The following AKNAD1 variants were observed in gnomAD, a reference collection of about 807,000 sequenced individuals.
AKNAD1 encodes protein AKNAD1.
Under a neutral mutation model 90.8 loss-of-function variants are expected in AKNAD1, and 67 were observed. That is an observed-to-expected ratio of 0.74 (90% CI 0.61 to 0.90). AKNAD1 has a LOEUF of 0.90. AKNAD1 is among the 40% of genes least tolerant of loss of function. The pLI, the probability that AKNAD1 is intolerant of heterozygous loss-of-function variation, is 0.00. For synonymous variants in AKNAD1, 327 were observed against 341.4 expected, an observed-to-expected ratio of 0.96 and a Z score of 0.46; for missense variants, 957 against 975.4, an observed-to-expected ratio of 0.98 and a Z score of 0.25.
At chr1:108,845,034 G>T (rs539283377) in intron 5 of AKNAD1, among the ~76,000 whole-genome samples, 3 of 152,064 alleles carry the variant, frequency 2.0e-5, no homozygotes, top group Non-Finnish European at 4.4e-5. Context: ...GGCCAGGCTG[G>T]TCTCAAACTC....
At chr1:108,848,313 T>C (rs1333178730) in intron 5 of AKNAD1, among the ~76,000 whole-genome samples, 1 of 152,198 alleles carries the variant, frequency 6.6e-6, no homozygotes, top group African/African-American at 2.4e-5. Context: ...AGCAAGGATA[T>C]GAAAGGAAAA....
In AKNAD1 at chr1:108,856,295, G is replaced by A. The variant is rs17621621; in HGVS notation, c.-104+634C>T. Among the ~76,000 whole-genome samples, 4 of 151,924 alleles carry A rather than the reference G, an allele frequency of 2.6e-5. No individual in the cohort carries two copies. The South Asian group carries it at 6.2e-4, about 24-fold the overall frequency. On this transcript the variant is annotated intron_variant, in intron 1 of 15. Coordinates refer to ENST00000370001, the MANE Select transcript of AKNAD1 (RefSeq NM_152763.5). ...CATTTTCAGGAGCTCATTGCCAAAC[G>A]CCATACCCTTCTTGTATAGAAAGGA...
intron 7 of AKNAD1, 89 bp downstream of exon 7, chr1:108,837,461 G>A: frequency 8.0e-7 from 1 of 1,244,624 alleles, no homozygotes; most frequent in Non-Finnish European, 1.1e-6. Context: ...ATTAAAAATG[G>A]AATTCAGTGA....
At chr1:108,831,212 A>G (rs1286852297) in intron 9 of AKNAD1, among the ~76,000 whole-genome samples, 1 of 152,180 alleles carries the variant, frequency 6.6e-6, no homozygotes, top group African/African-American at 2.4e-5. Flanking sequence ...TACTCCACTG[A>G]CCTGTGAGGG....
intron 6 of AKNAD1, among the ~76,000 whole-genome samples, chr1:108,841,819 G>A (rs537639741): frequency 2.6e-5 from 4 of 152,218 alleles, no homozygotes; most frequent in East Asian, 1.9e-4. Context: ...GACTTCAGCC[G>A]AGATTTGGGA....
At chr1:108,849,401 C>T (rs190870139) in intron 3 of AKNAD1, 136 bp downstream of exon 3, 3 of 624,886 alleles carry the variant, frequency 4.8e-6, no homozygotes, top group African/African-American at 1.9e-5. Context: ...ATCATTTGAG[C>T]CCCAGAGGTC....
At chr1:108,819,426 T>C (rs1400725679) in intron 14 of AKNAD1, among the ~76,000 whole-genome samples, 1 of 147,862 alleles carries the variant, frequency 6.8e-6, no homozygotes, top group East Asian at 2.0e-4. Flanking sequence ...AAGATCAGCC[T>C]GGGCAACATA....
Position 108,826,736 on chromosome 1 carries a change from C to CTTTTTTT in AKNAD1, c.1936+468_1936+469insAAAAAAA, listed in dbSNP as rs1450499628. On this transcript the variant is annotated intron_variant, in intron 11 of 15. Transcript: ENST00000370001. The stretch of plus-strand genomic sequence containing the variant: ...AGTGATTCTTTTTTTCTTTTCTTTT[C>CTTTTTTT]TTTTTCTTTTTTTTTTTTTTTGAAA... 9.6e-5 allele frequency among the ~76,000 whole-genome samples: 11 copies of CTTTTTTT among 114,798 alleles called. 1 individual carries two copies. Among genetic ancestry groups the CTTTTTTT allele is most frequent in the Non-Finnish European group, 1.6e-4 (9 of 56,394 alleles). The allele number at this position is 114,798 out of a possible 152,430, so 75.3% of individuals were successfully genotyped here.
rs1357914960 is a variant in AKNAD1, at chr1:108,843,231, C to T, written c.1282G>A (p.Glu428Lys). 4 of 1,614,144 alleles carry T rather than the reference C, an allele frequency of 2.5e-6. No individual in the cohort carries two copies. Among genetic ancestry groups the T allele is most frequent in the Admixed American group, 1.7e-5 (1 of 60,012 alleles). ...EKLQGHLELL[E>K]QNFLATKDKH... ...TCCTTGGTGGCCAGAAAGTTCTGCT[C>T]CAGCAGTTCAAGGTGTCCCTGCAGT... Residue 428 changes from glutamate (E) to lysine (K), a missense_variant, in exon 6 of 16, where the codon GAG becomes AAG. Coordinates refer to ENST00000370001, the MANE Select transcript of AKNAD1 (RefSeq NM_152763.5).
chr1:108,830,766 A>G lies in AKNAD1; in HGVS notation c.1747-116T>C. On this transcript the variant is annotated intron_variant, in intron 9 of 15. Transcript: ENST00000370001. ...CGGCTGAACTTGCCACCTCAGGCAGAGAGACTCGCCAAACCTCTCCTCCAG... is the reference window on the plus strand; with the variant it reads ...CGGCTGAACTTGCCACCTCAGGCAGGGAGACTCGCCAAACCTCTCCTCCAG... 3 of 927,568 alleles carry G rather than the reference A, an allele frequency of 3.2e-6. No homozygotes were observed. In the South Asian group the frequency reaches 4.2e-5, roughly 13 times the overall value. The allele number at this position is 927,568 out of a possible 1,614,324, so 57.5% of individuals were successfully genotyped here. A position where few individuals can be genotyped will look rare whatever the true frequency, so the allele number is the denominator to read the frequency against.
Position 108,816,269 on chromosome 1 carries a change from T to G in AKNAD1, c.2413A>C (p.Thr805Pro). 3 of 1,613,718 alleles carry G rather than the reference T, an allele frequency of 1.9e-6. No homozygotes were observed. The South Asian group carries it at 3.3e-5, about 18-fold the overall frequency. Residue 805 changes from threonine (T) to proline (P), a missense_variant, in exon 16 of 16, where the codon ACA becomes CCA. Transcript: ENST00000370001. Reference protein sequence around the residue: ...LNSALDHALRTATILKETTDQ... With the variant: ...LNSALDHALRPATILKETTDQ... Reference sequence around the variant, plus strand: ...GTAGTTTCTTTCAAAATGGTTGCTGTCCTTAGGGCATGATCCAAAGCCGAG... The same window carrying G: ...GTAGTTTCTTTCAAAATGGTTGCTGGCCTTAGGGCATGATCCAAAGCCGAG...
At chr1:108,817,209 C>A in intron 14 of AKNAD1, 32 bp from the exon 15 acceptor site, 2 of 1,612,270 alleles carry the variant, frequency 1.2e-6, no homozygotes, top group South Asian at 2.2e-5. Flanking sequence ...ATACTTGTGT[C>A]AAGCGCCACC....
rs1663886030 is a variant in AKNAD1 at position 108,823,427 on chromosome 1, T to G, written c.2110A>C (p.Lys704Gln). ...TPGQNYSNHSKRGAFVQPHSL... is the reference protein window; with the variant it reads ...TPGQNYSNHSQRGAFVQPHSL... The stretch of plus-strand genomic sequence containing the variant: ...TGGGGCTGGACAAAGGCACCTCTTT[T>G]GCTATGATTTGAGTAATTCTGTCCT... The change falls in exon 13 of 16, where the codon AAA becomes CAA. Residue 704 changes from lysine to glutamine, a missense_variant. Lys to Gln is a moderately conservative substitution (Grantham distance 53, BLOSUM62 1). Coordinates refer to ENST00000370001, the MANE Select transcript of AKNAD1 (RefSeq NM_152763.5). 1.2e-6 allele frequency: 2 copies of G among 1,614,230 alleles called. No homozygotes were observed. The highest frequency in any genetic ancestry group is 1.7e-6 in the Non-Finnish European group (2 of 1,180,028).
chr1:108,823,696 A>G lies in AKNAD1; in HGVS notation c.1937-8T>C. ...TGTGTCCTGTATCAGAATCTGAAAA[A>G]GCCCAAGTTGCATGAATGAAGGGTA... On this transcript the variant is annotated splice_region_variant and splice_polypyrimidine_tract_variant and intron_variant, in intron 11 of 15. Coordinates refer to ENST00000370001, the MANE Select transcript of AKNAD1 (RefSeq NM_152763.5). The G allele has an allele frequency of 6.8e-6, 11 of 1,614,092 alleles. No homozygotes were observed. Among genetic ancestry groups the G allele is most frequent in the Non-Finnish European group, 9.3e-6 (11 of 1,179,974 alleles).
At chr1:108,831,465 G>A (rs12059541) in intron 9 of AKNAD1, among the ~76,000 whole-genome samples, 23,067 of 152,140 alleles carry the variant, frequency 0.15, 2,041 homozygotes, top group African/African-American at 0.25. Flanking sequence ...GCCACCAACA[G>A]TGTGGACGGC....
Position 108,823,362 on chromosome 1 carries a change from G to T in AKNAD1, c.2167+8C>A, listed in dbSNP as rs75963324. The T allele has an allele frequency of 2.4e-3, 3,874 of 1,591,484 alleles. 49 individuals carry two copies. The highest frequency in any genetic ancestry group is 0.023 in the East Asian group (1,047 of 44,762). On this transcript the variant is annotated splice_region_variant and intron_variant, in intron 13 of 15. Coordinates refer to ENST00000370001, the MANE Select transcript of AKNAD1 (RefSeq NM_152763.5). ...ATATGGATGGGGTCATGCAGGAGAT[G>T]TACTTACAGGGTGAAGAGTTTTTAC...
intron 6 of AKNAD1, among the ~76,000 whole-genome samples, chr1:108,839,471 T>TAAAAAAAAAAAGGAAAAAAAAA (rs1664473415): frequency 1.6e-5 from 2 of 126,148 alleles, no homozygotes; most frequent in Non-Finnish European, 3.2e-5. Flanking sequence ...TCCGTCTCAA[T>TAAAAAAAAAAAGGAAAAAAAAA]AAAAAAAAAA....
At position 108,832,804 on chromosome 1, in the gene AKNAD1, T is replaced by A. The variant is rs77061511; in HGVS notation, c.1746+1643A>T. 7.0e-3 allele frequency among the ~76,000 whole-genome samples: 1,061 copies of A among 152,250 alleles called. 11 individuals are homozygous for A. The highest frequency in any genetic ancestry group is 0.024 in the African/African-American group (999 of 41,548). ...GAGATATCAGTTTTCACTTATGCAT[T>A]TGGCAAAAGTTGGAAAAAGAAAAAA... On this transcript the variant is annotated intron_variant, in intron 9 of 15. Coordinates refer to ENST00000370001, the MANE Select transcript of AKNAD1 (RefSeq NM_152763.5).
intron 1 of AKNAD1, among the ~76,000 whole-genome samples, chr1:108,853,264 C>T (rs540671405): frequency 4.6e-5 from 7 of 151,774 alleles, no homozygotes; most frequent in African/African-American, 7.2e-5. Flanking sequence ...CCCGAGCAGC[C>T]GGGACTACAG....
Sources: allele counts gnomAD v4.1 joint callset (sites outside exome capture counted in the v4.1 genomes callset), GRCh38; gene constraint gnomAD v4.1.1; transcripts MANE v1.5; gene names NCBI Gene and HGNC (gene_info 2026-07-23, HGNC 2026-07-21).